Variants in ACBD7 observed in about 807,000 individuals in gnomAD.
ACBD7 encodes the protein acyl-CoA binding domain containing 7.
Under a neutral mutation model 13.7 loss-of-function variants are expected in ACBD7, and 11 were observed. The ratio of observed to expected loss-of-function variants is 0.80; its 90% CI spans 0.50 to 1.33. The LOEUF is 1.33. ACBD7 is among the 40% of genes most tolerant of loss of function. The pLI, the probability that ACBD7 is intolerant of heterozygous loss-of-function variation, is 0.00. For synonymous variants in ACBD7, 43 were observed against 37.7 expected (o/e 1.14, Z -0.51); for missense variants, 111 against 103.0 (o/e 1.08, Z -0.33).
rs1450976466 is a variant in ACBD7, at chr10:15,075,845, G to A, written c.*2685C>T. On this transcript the variant is annotated 3_prime_UTR_variant, in exon 4 of 4. Coordinates refer to ENST00000356189, the MANE Select transcript of ACBD7 (RefSeq NM_001039844.3). ...AAAAATTAGCTGGGCATGGTTGCAC[G>A]CACCTGTAGTCCCAGCTACTCTGGA... Among the ~76,000 whole-genome samples, 3 of 151,848 alleles carry A rather than the reference G, an allele frequency of 2.0e-5. No individual in the cohort carries two copies. The highest frequency in any genetic ancestry group is 4.4e-5 in the Non-Finnish European group (3 of 67,982).
intron 1 of ACBD7, among the ~76,000 whole-genome samples, chr10:15,083,574 T>G (rs1167195507): frequency 6.6e-6 from 1 of 152,110 alleles, no homozygotes; most frequent in Non-Finnish European, 1.5e-5. Flanking sequence ...CTCCACCTCC[T>G]GGTTCAAGCG....
chr10:15,079,467 G>A (rs2131393203), intron 1 of ACBD7, among the ~76,000 whole-genome samples: 2 of 151,742 alleles, frequency 1.3e-5, no homozygotes, highest in East Asian at 1.9e-4. Context: ...TAGAGATGGG[G>A]TTTTGTCATG....
intron 1 of ACBD7, among the ~76,000 whole-genome samples, chr10:15,085,729 G>A (rs142390535): frequency 1.1e-4 from 17 of 152,274 alleles, no homozygotes; most frequent in African/African-American, 4.1e-4. Context: ...TAAATGCTTT[G>A]GTGAGGATGG....
chr10:15,076,002 A>G lies in ACBD7; in HGVS notation c.*2528T>C, dbSNP rs1844677304. ...AAAAAAAAAAAAAAAAAAAAAGAAA[A>G]GAAAAAGAATGTTATATAAATGGAA... On this transcript the variant is annotated 3_prime_UTR_variant, in exon 4 of 4. Coordinates refer to ENST00000356189, the MANE Select transcript of ACBD7 (RefSeq NM_001039844.3). 5.9e-6 allele frequency: 4 copies of G among 673,780 alleles called. No homozygotes were observed. The highest frequency in any genetic ancestry group is 7.3e-6 in the Non-Finnish European group (4 of 545,490). 41.7% of individuals were successfully genotyped at this position (673,780 alleles called of 1,614,324 possible).
At chr10:15,078,649 A>G in intron 3 of ACBD7, 42 bp downstream of exon 3, 1 of 1,614,056 alleles carries the variant, frequency 6.2e-7, no homozygotes, top group Non-Finnish European at 8.5e-7. Context: ...TGCACTGGGA[A>G]ATTAAGAAAG....
intron 1 of ACBD7, chr10:15,088,434 G>T: frequency 4.0e-6 from 2 of 503,200 alleles, no homozygotes; most frequent in South Asian, 5.4e-5. Context: ...TCTCGGAGAC[G>T]GAGAGGAGGA....
At chr10:15,082,234 CGA>C (rs1430128620) in intron 1 of ACBD7, among the ~76,000 whole-genome samples, 1 of 143,266 alleles carries the variant, frequency 7.0e-6, no homozygotes, top group African/African-American at 2.6e-5. Flanking sequence ...TGCAGTGAGC[CGA>C]GATCATGCCA....
intron 1 of ACBD7, among the ~76,000 whole-genome samples, chr10:15,084,528 G>C (rs543885651): frequency 6.6e-6 from 1 of 152,336 alleles, no homozygotes; most frequent in East Asian, 1.9e-4. Flanking sequence ...TTTACTGAAA[G>C]CGAAAGTACA....
intron 1 of ACBD7, among the ~76,000 whole-genome samples, chr10:15,085,167 C>T (rs7100256): frequency 0.11 from 16,412 of 152,202 alleles, 918 homozygotes; most frequent in Middle Eastern, 0.2. Context: ...CCCGGTCACC[C>T]GAGCTTGGGA....
intron 1 of ACBD7, among the ~76,000 whole-genome samples, chr10:15,082,036 C>T (rs1844756257): frequency 6.6e-6 from 1 of 152,146 alleles, no homozygotes; most frequent in South Asian, 2.1e-4. Flanking sequence ...ACCTGTAATC[C>T]CAGCACTTTG....
rs1485005633 is a variant in ACBD7 at position 15,078,737 on chromosome 10, T to G, written c.147A>C (p.Leu49=). ...CCCATTTGGCTTTGCCTTTTAAATC[T>G]AGCATTCCTGGACACGCTGGCAAAA... ...GDINIACPGM[L]DLKGKAKWEA... The change falls in exon 3 of 4, where the codon CTA becomes CTC. Residue 49 remains leucine, a synonymous_variant. Transcript: ENST00000356189. The G allele has an allele frequency of 6.2e-7, 1 of 1,614,024 alleles. No individual in the cohort carries two copies. The highest frequency in any genetic ancestry group is 1.1e-5 in the South Asian group (1 of 91,058).
rs118165135 is a variant in ACBD7, at chr10:15,083,353, A to T, written c.13-4313T>A. ...AACATTGGCCTTGGCCAGGATACTC[A>T]GGTTTGACTTCCAGCTTTGAGACAC... is the stretch of plus-strand genomic sequence containing the variant. On this transcript the variant is annotated intron_variant, in intron 1 of 3. Coordinates refer to ENST00000356189, the MANE Select transcript of ACBD7 (RefSeq NM_001039844.3). Among the ~76,000 whole-genome samples, 486 of 152,342 alleles carry T rather than the reference A, an allele frequency of 3.2e-3. 5 individuals carry two copies. Among genetic ancestry groups the T allele is most frequent in the Admixed American group, 3.9e-3 (59 of 15,294 alleles).
intron 1 of ACBD7, chr10:15,088,436 A>AGAG: frequency 2.0e-6 from 1 of 506,142 alleles, no homozygotes; most frequent in Non-Finnish European, 3.5e-6. Flanking sequence ...TCGGAGACGG[A>AGAG]GAGGAGGAGG....
At chr10:15,087,072 T>C (rs1450467086) in intron 1 of ACBD7, among the ~76,000 whole-genome samples, 1 of 150,274 alleles carries the variant, frequency 6.7e-6, no homozygotes, top group African/African-American at 2.5e-5. Context: ...CCAAGCTACT[T>C]GGGAGGCTGA....
chr10:15,087,881 C>G (rs6602808), intron 1 of ACBD7, among the ~76,000 whole-genome samples: 36,249 of 151,338 alleles, frequency 0.24, 6,808 homozygotes, highest in African/African-American at 0.52. Context: ...CCAGCTACTG[C>G]GGAGGCTGAG....
chr10:15,085,819 A>C (rs1188575723), intron 1 of ACBD7, among the ~76,000 whole-genome samples: 1 of 149,746 alleles, frequency 6.7e-6, no homozygotes, highest in Non-Finnish European at 1.5e-5. Flanking sequence ...CTCCAATGAC[A>C]GTCTGCCAGT....
chr10:15,088,107 T>C (rs1844830426), intron 1 of ACBD7, among the ~76,000 whole-genome samples: 1 of 152,156 alleles, frequency 6.6e-6, no homozygotes, highest in East Asian at 1.9e-4. Context: ...AATAACATCA[T>C]AGGTATGTGT....
chr10:15,079,364 T>C (rs1844723161), intron 1 of ACBD7, among the ~76,000 whole-genome samples: 1 of 151,030 alleles, frequency 6.6e-6, no homozygotes, highest in Non-Finnish European at 1.5e-5. Flanking sequence ...AACCTCTACT[T>C]CTGGGGCTCA....
chr10:15,075,780 C>G lies in ACBD7; in HGVS notation c.*2750G>C, dbSNP rs995966950. On this transcript the variant is annotated 3_prime_UTR_variant, in exon 4 of 4. Transcript: ENST00000356189. ...CCTCAGATCAGGAGTTCCAGACCAGCCTGGGCAACATGGTGAAACCCTGTC... is the reference window on the plus strand; with the variant it reads ...CCTCAGATCAGGAGTTCCAGACCAGGCTGGGCAACATGGTGAAACCCTGTC... Among the ~76,000 whole-genome samples, 14 of 152,042 alleles carry G rather than the reference C, an allele frequency of 9.2e-5. No individual in the cohort carries two copies. The highest frequency in any genetic ancestry group is 2.9e-4 in the African/African-American group (12 of 41,412).
Sources: allele counts gnomAD v4.1 joint callset (sites outside exome capture counted in the v4.1 genomes callset), GRCh38; gene constraint gnomAD v4.1.1; transcripts MANE v1.5; gene names NCBI Gene and HGNC (gene_info 2026-07-23, HGNC 2026-07-21).